The following ARHGAP21 variants were observed in gnomAD, a reference collection of about 807,000 sequenced individuals.
The protein encoded by ARHGAP21 is rho GTPase-activating protein 21.
In ARHGAP21, 38 loss-of-function variants were observed where a neutral mutation model predicts 164.6. That is an observed-to-expected ratio of 0.23 (90% CI 0.18 to 0.30). ARHGAP21 has a LOEUF of 0.30. Ranked by LOEUF, ARHGAP21 falls within the 10% of genes least tolerant of loss-of-function variation. The pLI is 1.00. For synonymous variants in ARHGAP21, 766 were observed against 857.9 expected (o/e 0.89, Z 1.87); for missense variants, 1,822 against 2,370.7 (o/e 0.77, Z 4.81).
intron 2 of ARHGAP21, among the ~76,000 whole-genome samples, chr10:24,721,380 T>C (rs1845914975): frequency 2.0e-5 from 3 of 152,148 alleles, no homozygotes; most frequent in Admixed American, 2.0e-4. Context: ...CCCTCGTCAG[T>C]ACCAAAGAAA....
At chr10:24,625,297 G>GAGCAAAAAAAAAAAAAAAAAAAAAAA (rs1565045749) in intron 7 of ARHGAP21, among the ~76,000 whole-genome samples, 1 of 24,672 alleles carries the variant, frequency 4.1e-5, no homozygotes, top group Non-Finnish European at 9.2e-5. Flanking sequence ...AAATGAAACA[G>GAGCAAAAAAAAAAAAAAAAAAAAAAA]AGAAAAAAAA....
intron 2 of ARHGAP21, among the ~76,000 whole-genome samples, chr10:24,711,689 G>A (rs1475696773): frequency 2.6e-5 from 4 of 152,050 alleles, no homozygotes; most frequent in Non-Finnish European, 5.9e-5. Flanking sequence ...GCATCCCTAG[G>A]AACCCCAAAA....
At chr10:24,681,185 T>C (rs1841722840) in intron 2 of ARHGAP21, among the ~76,000 whole-genome samples, 1 of 152,112 alleles carries the variant, frequency 6.6e-6, no homozygotes, top group African/African-American at 2.4e-5. Flanking sequence ...ACAGGAACAA[T>C]GGAAATGTTC....
rs563278270 is a variant in ARHGAP21, at chr10:24,620,928, A to T, written c.967T>A (p.Ser323Thr). Residue 323 changes from serine (S) to threonine (T), a missense_variant, in exon 9 of 26, where the codon TCA becomes ACA. Ser to Thr is a moderately conservative substitution (Grantham distance 58, BLOSUM62 1). Coordinates refer to ENST00000396432, the MANE Select transcript of ARHGAP21 (RefSeq NM_020824.4). ...TGAATTAGATGAGTGGTGGGAATTGATAATGGTGGTGATGTGGTTCTTGAC... is the reference window on the plus strand; with the variant it reads ...TGAATTAGATGAGTGGTGGGAATTGTTAATGGTGGTGATGTGGTTCTTGAC... ...TVSRTTSPPL[S>T]IPTTHLIHQP... 4 of 1,613,968 alleles carry T rather than the reference A, an allele frequency of 2.5e-6. No homozygotes were observed. Among genetic ancestry groups the T allele is most frequent in the Non-Finnish European group, 3.4e-6 (4 of 1,179,874 alleles).
intron 25 of ARHGAP21, 115 bp from the exon 26 acceptor site, chr10:24,586,221 A>T: frequency 7.7e-7 from 1 of 1,304,072 alleles, no homozygotes; most frequent in Non-Finnish European, 1.0e-6. Flanking sequence ...AAGCTCTGGA[A>T]GCATTAACAG....
At chr10:24,686,477 A>G (rs1270511418) in intron 2 of ARHGAP21, among the ~76,000 whole-genome samples, 1 of 152,166 alleles carries the variant, frequency 6.6e-6, no homozygotes, top group African/African-American at 2.4e-5. Flanking sequence ...CTCAAACTGG[A>G]AACTATGTTG....
intron 2 of ARHGAP21, among the ~76,000 whole-genome samples, chr10:24,705,693 CAA>C (rs1844159143): frequency 6.6e-6 from 1 of 152,134 alleles, no homozygotes; most frequent in South Asian, 2.1e-4. Context: ...AAATTTCAAA[CAA>C]TATTAAATAA....
At chr10:24,677,445 T>C (rs546984032) in intron 2 of ARHGAP21, among the ~76,000 whole-genome samples, 9 of 152,236 alleles carry the variant, frequency 5.9e-5, no homozygotes, top group African/African-American at 2.2e-4. Flanking sequence ...AGAAACTGGA[T>C]CTTGGATGAA....
chr10:24,595,758 TTTAGTAAACTGC>T lies in ARHGAP21; in HGVS notation c.3659_3670del (p.Ser1220_Leu1223del). 6.2e-7 allele frequency: 1 copy of T among 1,613,660 alleles called. No homozygotes were observed. Among genetic ancestry groups the T allele is most frequent in the South Asian group, 1.1e-5 (1 of 91,052 alleles). On this transcript the variant is annotated inframe_deletion, in exon 19 of 26. Coordinates refer to ENST00000396432, the MANE Select transcript of ARHGAP21 (RefSeq NM_020824.4). ...CTCAGGGAGTTTTCTGAAGAAGGAT[TTTAGTAAACTGC>T]TTATCACATTCAAATCTCGCCATTT... is the stretch of plus-strand genomic sequence containing the variant.
chr10:24,685,407 T>C (rs1409453402), intron 2 of ARHGAP21, among the ~76,000 whole-genome samples: 1 of 152,150 alleles, frequency 6.6e-6, no homozygotes, highest in Non-Finnish European at 1.5e-5. Context: ...CTATTAAGCA[T>C]TTATAATCAG....
chr10:24,585,616 A>C lies in ARHGAP21; in HGVS notation c.4673T>G (p.Leu1558Arg), dbSNP rs1564944099. 4 of 1,614,180 alleles carry C rather than the reference A, an allele frequency of 2.5e-6. No individual in the cohort carries two copies. The highest frequency in any genetic ancestry group is 3.4e-6 in the Non-Finnish European group (4 of 1,180,020). Residue 1558 changes from leucine to arginine, a missense_variant, in exon 26 of 26, where the codon CTG becomes CGG. By Grantham distance (102) the Leu-to-Arg change is moderately radical. Transcript: ENST00000396432. ...TLLSTSSQAS[L>R]ARFSMKKSTS... is the part of the protein sequence containing the mutation. ...TGATTTCTTCATGGAAAACCTTGCC[A>C]GGGAGGCCTGGGAAGACGTGCTGAG...
intron 8 of ARHGAP21, among the ~76,000 whole-genome samples, chr10:24,621,816 A>G (rs1834569952): frequency 6.7e-6 from 1 of 149,310 alleles, no homozygotes; most frequent in South Asian, 2.1e-4. Flanking sequence ...CTACTACTAT[A>G]ATAAATTAAG....
intron 2 of ARHGAP21, among the ~76,000 whole-genome samples, chr10:24,717,031 GAT>G (rs1845457435): frequency 1.3e-5 from 2 of 152,190 alleles, no homozygotes; most frequent in Non-Finnish European, 2.9e-5. Flanking sequence ...CAGCAATAGA[GAT>G]ATACACATGT....
chr10:24,620,141 T>C lies in ARHGAP21; in HGVS notation c.1754A>G (p.Lys585Arg). ...CAATGTTTTTAGATCTGGTGGAATTTTTTTAAACTGCGACACAGATCCCAC... is the reference window on the plus strand; with the variant it reads ...CAATGTTTTTAGATCTGGTGGAATTCTTTTAAACTGCGACACAGATCCCAC... ...RGVGSVSQFK[K>R]IPPDLKTLQS... is the part of the protein sequence containing the mutation. The change falls in exon 9 of 26, where the codon AAA (lysine) becomes AGA (arginine). Residue 585 changes from lysine (K) to arginine (R), a missense_variant. Lys to Arg is a conservative substitution (Grantham distance 26). Coordinates refer to ENST00000396432, the MANE Select transcript of ARHGAP21 (RefSeq NM_020824.4). The C allele has an allele frequency of 6.2e-7, 1 of 1,614,032 alleles. No homozygotes were observed. Among genetic ancestry groups the C allele is most frequent in the Non-Finnish European group, 8.5e-7 (1 of 1,179,886 alleles).
chr10:24,636,942 C>T (rs570228027), intron 4 of ARHGAP21, among the ~76,000 whole-genome samples: 252 of 152,270 alleles, frequency 1.7e-3, no homozygotes, highest in African/African-American at 5.0e-3. Context: ...CAGGAATTTT[C>T]GCAATGCTCA....
intron 2 of ARHGAP21, among the ~76,000 whole-genome samples, chr10:24,694,368 A>G (rs970227137): frequency 8.5e-5 from 13 of 152,190 alleles, no homozygotes; most frequent in African/African-American, 3.1e-4. Flanking sequence ...GGATTTCAAG[A>G]CGGTTCCCGT....
rs1272117679 is a variant in ARHGAP21, at chr10:24,694,671, CTT to C, written c.64-24276_64-24275del. 4.6e-5 allele frequency among the ~76,000 whole-genome samples: 7 copies of C among 152,182 alleles called. No individual in the cohort carries two copies. The East Asian group carries it at 1.3e-3, about 29-fold the overall frequency. ...TGTCCTCTGAACTTTGTCCCATACA[CTT>C]TTTCACTTTGCTTTTGTATTCTTTC... On this transcript the variant is annotated intron_variant, in intron 2 of 25. Coordinates refer to ENST00000396432, the MANE Select transcript of ARHGAP21 (RefSeq NM_020824.4).
intron 9 of ARHGAP21, among the ~76,000 whole-genome samples, chr10:24,616,563 C>T (rs551713445): frequency 1.3e-5 from 2 of 152,298 alleles, no homozygotes; most frequent in South Asian, 4.1e-4. Context: ...GGCTAACCCT[C>T]AACTGAGCAC....
At chr10:24,653,803 T>C (rs1359469504) in intron 4 of ARHGAP21, among the ~76,000 whole-genome samples, 2 of 152,032 alleles carry the variant, frequency 1.3e-5, no homozygotes, top group African/African-American at 2.4e-5. Flanking sequence ...TTTCTTCCAC[T>C]CATCAAAATG....
Sources: gnomAD v4.1 joint callset for allele counts (sites outside exome capture counted in the v4.1 genomes callset) on GRCh38, gnomAD v4.1.1 for gene constraint, MANE v1.5 for transcripts, NCBI Gene and HGNC (gene_info 2026-07-23, HGNC 2026-07-21) for gene names.